Variants in MGAT4C observed in about 807,000 individuals in gnomAD.
MGAT4C encodes MGAT4 family member C.
Under a neutral mutation model 40.1 loss-of-function variants are expected in MGAT4C, and 19 were observed. The observed-to-expected ratio is 0.47, with a 90% CI of 0.33 to 0.70. The LOEUF (loss-of-function observed/expected upper bound fraction) is 0.70, where lower values mean the gene tolerates loss of function less well. MGAT4C is among the 30% of genes least tolerant of loss of function. The pLI is 0.02. For synonymous variants in MGAT4C, 181 were observed against 187.1 expected (o/e 0.97, Z 0.27); for missense variants, 491 against 563.2 (o/e 0.87, Z 1.30).
intron 2 of MGAT4C, among the ~76,000 whole-genome samples, chr12:86,676,063 A>G (rs1176841189): frequency 6.6e-6 from 1 of 152,092 alleles, no homozygotes; most frequent in Non-Finnish European, 1.5e-5. Flanking sequence ...TATGATAGAG[A>G]CATATGTAAA....
At chr12:86,764,730 A>T (rs1951472593) in intron 1 of MGAT4C, among the ~76,000 whole-genome samples, 1 of 152,138 alleles carries the variant, frequency 6.6e-6, no homozygotes, top group Non-Finnish European at 1.5e-5. Context: ...TTCTGCAGCC[A>T]CCACTGCTGA....
At chr12:86,540,030 A>G (rs1257141516) in intron 2 of MGAT4C, among the ~76,000 whole-genome samples, 1 of 152,040 alleles carries the variant, frequency 6.6e-6, no homozygotes, top group Non-Finnish European at 1.5e-5. Flanking sequence ...GTTTAATTAG[A>G]TCCCATTTGT....
intron 3 of MGAT4C, among the ~76,000 whole-genome samples, chr12:86,407,703 T>C (rs1446715982): frequency 2.0e-5 from 3 of 152,054 alleles, no homozygotes; most frequent in African/African-American, 7.2e-5. Flanking sequence ...TTATTCTGTA[T>C]GAATTTGTGA....
intron 2 of MGAT4C, among the ~76,000 whole-genome samples, chr12:86,573,319 C>T (rs1369608330): frequency 6.6e-6 from 1 of 151,916 alleles, no homozygotes; most frequent in Non-Finnish European, 1.5e-5. Flanking sequence ...GGCAATTGAA[C>T]TAAAGGGGTT....
At chr12:86,284,088 A>G (rs1953286734) in intron 4 of MGAT4C, among the ~76,000 whole-genome samples, 2 of 152,096 alleles carry the variant, frequency 1.3e-5, no homozygotes, top group African/African-American at 4.8e-5. Context: ...GCACTGGCTA[A>G]AAGACCTCCA....
chr12:86,143,284 A>G (rs1047657937), intron 1 of MGAT4C, among the ~76,000 whole-genome samples: 4 of 152,198 alleles, frequency 2.6e-5, no homozygotes, highest in South Asian at 2.1e-4. Flanking sequence ...ATCATCTCCA[A>G]TGAGATACAG....
intron 2 of MGAT4C, among the ~76,000 whole-genome samples, chr12:86,488,610 T>G (rs1958070737): frequency 6.6e-6 from 1 of 152,100 alleles, no homozygotes; most frequent in Admixed American, 6.6e-5. Flanking sequence ...GTTTCAGTGG[T>G]CTTCAGTTCT....
At chr12:86,107,735 T>C (rs564293691) in intron 1 of MGAT4C, among the ~76,000 whole-genome samples, 67 of 152,260 alleles carry the variant, frequency 4.4e-4, no homozygotes, top group African/African-American at 1.5e-3. Context: ...GCAGAACCAA[T>C]TGAAGTTGAT....
intron 2 of MGAT4C, among the ~76,000 whole-genome samples, chr12:86,446,957 T>G (rs569041214): frequency 3.3e-5 from 5 of 151,948 alleles, no homozygotes; most frequent in Non-Finnish European, 7.4e-5. Context: ...GGCCATGCAT[T>G]ACTAGTGTTT....
intron 1 of MGAT4C, among the ~76,000 whole-genome samples, chr12:86,785,856 C>T (rs569957381): frequency 6.6e-6 from 1 of 151,570 alleles, no homozygotes; most frequent in South Asian, 2.1e-4. Flanking sequence ...CAAAATTTTC[C>T]CATTTTCTCT....
At chr12:86,624,873 A>C (rs1962751994) in intron 2 of MGAT4C, among the ~76,000 whole-genome samples, 1 of 152,056 alleles carries the variant, frequency 6.6e-6, no homozygotes, top group Admixed American at 6.6e-5. Context: ...AGCTATTATA[A>C]ATATTTTTTA....
intron 1 of MGAT4C, among the ~76,000 whole-genome samples, chr12:86,147,089 G>A (rs1423095263): frequency 4.6e-5 from 7 of 152,130 alleles, no homozygotes; most frequent in African/African-American, 1.7e-4. Context: ...GTGTGTGTGT[G>A]TCTGGTGTGT....
chr12:86,412,451 T>C lies in MGAT4C; in HGVS notation c.-120+22706A>G, dbSNP rs117893623. ...TTAGACATGGAGTCAAAGGAGATTA[T>C]TTTGGAGCTTTGAGATTTAATAATT... On this transcript the variant is annotated intron_variant, in intron 3 of 7. Transcript: ENST00000548651. Among the ~76,000 whole-genome samples the C allele has an allele frequency of 1.5e-3, 236 of 152,290 alleles. 3 individuals are homozygous for C. In the East Asian group the frequency reaches 0.031, roughly 20 times the overall value.
At chr12:86,240,505 AT>A (rs1951739343) in intron 1 of MGAT4C, among the ~76,000 whole-genome samples, 1 of 152,106 alleles carries the variant, frequency 6.6e-6, no homozygotes, top group Non-Finnish European at 1.5e-5. Context: ...TTTGGAAATA[AT>A]TTTAAATTTA....
chr12:86,092,858 T>A lies in MGAT4C; in HGVS notation c.-56-43135A>T, dbSNP rs139660970. Among the ~76,000 whole-genome samples, 9 of 152,046 alleles carry A rather than the reference T, an allele frequency of 5.9e-5. No individual in the cohort carries two copies. The East Asian group carries it at 1.7e-3, about 29-fold the overall frequency. ...TAAAGCCATCCCTCCAATCACCCTC[T>A]TTTTTTTATTATTATACTTTAAGTT... On this transcript the variant is annotated intron_variant, in intron 1 of 4. Transcript: ENST00000611864.
intron 3 of MGAT4C, among the ~76,000 whole-genome samples, chr12:86,410,291 T>G (rs1956577296): frequency 6.6e-6 from 1 of 152,078 alleles, no homozygotes; most frequent in African/African-American, 2.4e-5. Flanking sequence ...AGGGCATAAT[T>G]CAGTTCTTAT....
intron 2 of MGAT4C, among the ~76,000 whole-genome samples, chr12:86,440,550 C>A (rs1380662246): frequency 6.6e-6 from 1 of 152,016 alleles, no homozygotes; most frequent in East Asian, 1.9e-4. Flanking sequence ...AGAAAACATT[C>A]CCTATAAGAA....
chr12:86,172,613 A>G (rs1886969424), intron 1 of MGAT4C, among the ~76,000 whole-genome samples: 1 of 152,148 alleles, frequency 6.6e-6, no homozygotes, highest in Non-Finnish European at 1.5e-5. Context: ...TATGCCACAT[A>G]TAATTTATCA....
intron 4 of MGAT4C, among the ~76,000 whole-genome samples, chr12:86,316,889 A>G (rs1180453733): frequency 1.3e-5 from 2 of 152,168 alleles, no homozygotes; most frequent in African/African-American, 4.8e-5. Flanking sequence ...ATTATAAAAA[A>G]GTGATAAGCC....
Sources: gnomAD v4.1 joint callset for allele counts (sites outside exome capture counted in the v4.1 genomes callset) on GRCh38, gnomAD v4.1.1 for gene constraint, MANE v1.5 for transcripts, NCBI Gene and HGNC (gene_info 2026-07-23, HGNC 2026-07-21) for gene names.